The following ANKS1B variants were observed in gnomAD, a reference collection of about 807,000 sequenced individuals.
ANKS1B encodes ankyrin repeat and sterile alpha motif domain containing 1B, also known as ankyrin repeat and sterile alpha motif domain-containing protein 1B.
ANKS1B carries 36 observed loss-of-function variants against 148.3 expected under a neutral mutation model. The ratio of observed to expected loss-of-function variants is 0.24; its 90% CI spans 0.19 to 0.32. ANKS1B has a LOEUF of 0.32. Among genes scored for constraint, ANKS1B ranks in the 10% least tolerant of loss-of-function variants. The pLI is 1.00. For synonymous variants in ANKS1B, 542 were observed against 560.8 expected (o/e 0.97, Z 0.47); for missense variants, 1,157 against 1,542.6 (o/e 0.75, Z 4.19).
At chr12:99,983,064 T>C (rs866550541) in intron 1 of ANKS1B, among the ~76,000 whole-genome samples, 14 of 152,348 alleles carry the variant, frequency 9.2e-5, no homozygotes, top group African/African-American at 3.1e-4. Context: ...GGGAAATCAC[T>C]TGGGCTTTCT....
Position 99,504,457 on chromosome 12 carries a change from T to C in ANKS1B, c.1438+19A>G, listed in dbSNP as rs770673426. The C allele has an allele frequency of 4.4e-6, 7 of 1,606,452 alleles. No individual in the cohort carries two copies. The South Asian group carries it at 7.9e-5, about 18-fold the overall frequency. On this transcript the variant is annotated intron_variant, in intron 10 of 26. Transcript: ENST00000683438. ...AGCAAGTAAATTGAATCAGGCCAATTGTGAGTAAGAGATATTACCAGTTCT... is the reference window on the plus strand; with the variant it reads ...AGCAAGTAAATTGAATCAGGCCAATCGTGAGTAAGAGATATTACCAGTTCT...
chr12:99,394,182 G>A (rs1474503961), intron 12 of ANKS1B, among the ~76,000 whole-genome samples: 1 of 152,042 alleles, frequency 6.6e-6, no homozygotes, highest in Non-Finnish European at 1.5e-5. Context: ...CTCTGTCTTT[G>A]GTTTCAATTG....
At chr12:99,628,801 C>T (rs965999653) in intron 9 of ANKS1B, among the ~76,000 whole-genome samples, 3 of 152,142 alleles carry the variant, frequency 2.0e-5, no homozygotes. Context: ...GCCAAACTTA[C>T]TTTGTATCAG....
chr12:98,876,922 A>G (rs1160569897), intron 17 of ANKS1B, among the ~76,000 whole-genome samples: 1 of 152,234 alleles, frequency 6.6e-6, no homozygotes, highest in Non-Finnish European at 1.5e-5. Context: ...GCAGCATTTT[A>G]TACCAGGTAT....
At chr12:99,327,768 G>A (rs1055496221) in intron 12 of ANKS1B, among the ~76,000 whole-genome samples, 2 of 150,994 alleles carry the variant, frequency 1.3e-5, no homozygotes, top group African/African-American at 4.9e-5. Context: ...TCTTTTCATG[G>A]AAGATAATTT....
chr12:98,751,274 C>A lies in ANKS1B; in HGVS notation c.3747+81G>T. 1 of 1,439,422 alleles carries A rather than the reference C, an allele frequency of 6.9e-7. No homozygotes were observed. 89.2% of individuals were successfully genotyped at this position (1,439,422 alleles called of 1,614,324 possible). A position where few individuals can be genotyped will look rare whatever the true frequency, so the allele number is the denominator to read the frequency against. ...AGAGGCCCTGGGTTCTAATGGCACC[C>A]ACACCACACAAGGGCCTGGTTAGCA... On this transcript the variant is annotated intron_variant, in intron 26 of 26. Coordinates refer to ENST00000683438, the MANE Select transcript of ANKS1B (RefSeq NM_001352186.2). This position sits in a 1 kb window ranked among gnomAD's most constrained non-coding sequence, Gnocchi z 4.3.
chr12:98,954,511 A>G (rs1453665424), intron 17 of ANKS1B: 1 of 152,248 alleles, frequency 6.6e-6, no homozygotes, highest in African/African-American at 2.4e-5. Flanking sequence ...CAAGGTCAGC[A>G]AACCAATAGG....
At chr12:99,449,884 GATCTATCCATCTATCT>G (rs1220623370) in intron 10 of ANKS1B, among the ~76,000 whole-genome samples, 58 of 149,222 alleles carry the variant, frequency 3.9e-4, no homozygotes, top group Non-Finnish European at 5.8e-4. Flanking sequence ...GGACCAACAG[GATCTATCCATCTATCT>G]ATCTATCTAT....
intron 10 of ANKS1B, among the ~76,000 whole-genome samples, chr12:99,489,960 G>A (rs1363220945): frequency 6.6e-6 from 1 of 152,206 alleles, no homozygotes; most frequent in South Asian, 2.1e-4. Context: ...CTCCCACAGA[G>A]AATGAGCCTG....
In ANKS1B at chr12:99,313,191, T is replaced by A. The variant is rs1005686008; in HGVS notation, c.1757-66327A>T. The stretch of plus-strand genomic sequence containing the variant: ...AATCTAGAAGAAATGAATAGATTCC[T>A]GGACACATACATCCTCCCAGAAACC... On this transcript the variant is annotated intron_variant, in intron 12 of 26. Coordinates refer to ENST00000683438, the MANE Select transcript of ANKS1B (RefSeq NM_001352186.2). Among the ~76,000 whole-genome samples the A allele has an allele frequency of 1.1e-4, 16 of 152,314 alleles. 1 individual carries two copies. Among genetic ancestry groups the A allele is most frequent in the African/African-American group, 3.8e-4 (16 of 41,586 alleles).
intron 8 of ANKS1B, among the ~76,000 whole-genome samples, chr12:99,709,087 G>A (rs546063690): frequency 2.2e-4 from 34 of 152,118 alleles, no homozygotes; most frequent in Non-Finnish European, 4.3e-4. Flanking sequence ...AAACTAAAGA[G>A]CAGATTTTAG....
intron 14 of ANKS1B, among the ~76,000 whole-genome samples, chr12:99,176,194 G>A (rs898958740): frequency 6.6e-5 from 10 of 152,130 alleles, no homozygotes; most frequent in African/African-American, 2.4e-4. Context: ...ACACAGGTGA[G>A]AGACCAGGAA....
At chr12:98,809,519 A>G (rs773137022) in intron 19 of ANKS1B, among the ~76,000 whole-genome samples, 2 of 152,192 alleles carry the variant, frequency 1.3e-5, no homozygotes, top group Non-Finnish European at 2.9e-5. Context: ...ACCACCTGTC[A>G]TCTGATAGAT....
intron 1 of ANKS1B, among the ~76,000 whole-genome samples, chr12:99,979,873 T>A (rs2095672609): frequency 6.6e-6 from 1 of 152,064 alleles, no homozygotes; most frequent in Non-Finnish European, 1.5e-5. Flanking sequence ...TACTTTTAAA[T>A]TTATACTAAG....
In ANKS1B at chr12:99,666,576, T is replaced by C. The variant is rs141406445; in HGVS notation, c.1129-11366A>G. Among the ~76,000 whole-genome samples the C allele has an allele frequency of 2.4e-3, 362 of 152,278 alleles. 18 individuals are homozygous for C. The East Asian group carries it at 0.063, about 27-fold the overall frequency. On this transcript the variant is annotated intron_variant, in intron 8 of 26. Transcript: ENST00000683438. ...TTTGCACGTATTAGGTTTTCTTTAA[T>C]TTCCATCAACAATATTTTTATAGTC... is the stretch of plus-strand genomic sequence containing the variant.
intron 10 of ANKS1B, among the ~76,000 whole-genome samples, chr12:99,492,779 A>G (rs1046721532): frequency 2.0e-5 from 3 of 152,250 alleles, no homozygotes; most frequent in Non-Finnish European, 4.4e-5. Context: ...CATCACATAA[A>G]CAGAACTAAA....
At chr12:99,554,843 T>C (rs2097259775) in intron 9 of ANKS1B, among the ~76,000 whole-genome samples, 1 of 152,202 alleles carries the variant, frequency 6.6e-6, no homozygotes, top group South Asian at 2.1e-4. Context: ...GTTCTCCTCC[T>C]CCTCCTACAC....
intron 1 of ANKS1B, among the ~76,000 whole-genome samples, chr12:99,834,218 T>TAA (rs1344097443): frequency 6.6e-6 from 1 of 152,184 alleles, no homozygotes; most frequent in Non-Finnish European, 1.5e-5. Context: ...TTGATTAACT[T>TAA]AAGCTTGTTT....
intron 1 of ANKS1B, among the ~76,000 whole-genome samples, chr12:99,977,002 A>G (rs2095637289): frequency 6.6e-6 from 1 of 152,186 alleles, no homozygotes; most frequent in African/African-American, 2.4e-5. Context: ...AAGCATGGGC[A>G]ACAGAAAGAG....
Sources: gnomAD v4.1 joint callset for allele counts (sites outside exome capture counted in the v4.1 genomes callset) on GRCh38, gnomAD v4.1.1 for gene constraint, Gnocchi (gnomAD v3.1) non-coding constraint, MANE v1.5 for transcripts, NCBI Gene and HGNC (gene_info 2026-07-23, HGNC 2026-07-21) for gene names.